The following EPCAM variants were observed in gnomAD, a reference collection of about 807,000 sequenced individuals.
EPCAM encodes epithelial cell adhesion molecule, also known as adenocarcinoma-associated antigen.
A neutral mutation model predicts 40.0 loss-of-function variants in EPCAM; 39 were observed. The ratio of observed to expected loss-of-function variants is 0.98; its 90% CI spans 0.76 to 1.27. The LOEUF (loss-of-function observed/expected upper bound fraction) is 1.27. Ranked by LOEUF, EPCAM falls within the 50% of genes most tolerant of loss-of-function variation. The probability of loss-of-function intolerance (pLI) is 0.00; values close to 1 mark genes in which losing one functional copy is unlikely to be tolerated. For missense variants in EPCAM, 503 were observed against 381.2 expected (o/e 1.32, Z -2.66); for synonymous variants, 168 against 132.3 (o/e 1.27, Z -1.85).
chr2:47,382,698 A>G (rs1671625271), intron 7 of EPCAM, among the ~76,000 whole-genome samples: 1 of 152,186 alleles, frequency 6.6e-6, no homozygotes, highest in Admixed American at 6.5e-5. Context: ...AAAAATGAAT[A>G]AAAACAACAA....
chr2:47,374,080 A>G lies in EPCAM; in HGVS notation c.425+32A>G, dbSNP rs754606216. 4 of 1,612,376 alleles carry G rather than the reference A, an allele frequency of 2.5e-6. No individual in the cohort carries two copies. In the Admixed American group the frequency reaches 6.7e-5, roughly 27 times the overall value. On this transcript the variant is annotated intron_variant, in intron 3 of 8. Coordinates refer to ENST00000263735, the MANE Select transcript of EPCAM (RefSeq NM_002354.3). ...GGGGCTGCCTATACTACTTGTTTTC[A>G]TGCTGTTCAGATTCATTTAATTAAA...
At chr2:47,377,750 A>T (rs998584205) in intron 5 of EPCAM, 4 of 461,292 alleles carry the variant, frequency 8.7e-6, no homozygotes, top group Non-Finnish European at 1.3e-5. Flanking sequence ...TATTTACTTT[A>T]GGATGTTACT....
At chr2:47,382,971 G>A (rs754788816) in intron 7 of EPCAM, among the ~76,000 whole-genome samples, 1 of 151,670 alleles carries the variant, frequency 6.6e-6, no homozygotes, top group African/African-American at 2.4e-5. Flanking sequence ...GTGGAAGAAT[G>A]CACACCAAAC....
chr2:47,383,823 G>A (rs542083655), intron 7 of EPCAM, among the ~76,000 whole-genome samples: 1 of 150,832 alleles, frequency 6.6e-6, no homozygotes, highest in Non-Finnish European at 1.5e-5. Context: ...TTCTAGTAGA[G>A]ATAGGGTTTC....
intron 5 of EPCAM, among the ~76,000 whole-genome samples, chr2:47,378,574 T>C (rs1671489513): frequency 6.6e-6 from 1 of 152,196 alleles, no homozygotes. Context: ...AGTGCTGGGA[T>C]TACAGGCATG....
intron 1 of EPCAM, among the ~76,000 whole-genome samples, chr2:47,370,370 C>T (rs1671225450): frequency 6.6e-6 from 1 of 151,832 alleles, no homozygotes; most frequent in Non-Finnish European, 1.5e-5. Context: ...CTCCCGGGTT[C>T]AAGTGATTCT....
Position 47,374,983 on chromosome 2 carries a change from C to T in EPCAM, c.426-251C>T, listed in dbSNP as rs147966173. ...TTAGTTGAACAGGGCATGACACTGC[C>T]AGCTAAACTTTGACTTAATGTGACT... On this transcript the variant is annotated intron_variant, in intron 3 of 8. Transcript: ENST00000263735. Among the ~76,000 whole-genome samples, 46 of 152,254 alleles carry T rather than the reference C, an allele frequency of 3.0e-4. No individual in the cohort carries two copies. The East Asian group carries it at 8.7e-3, about 29-fold the overall frequency.
At chr2:47,385,827 G>A (rs1236646366) in intron 8 of EPCAM, among the ~76,000 whole-genome samples, 2 of 152,174 alleles carry the variant, frequency 1.3e-5, no homozygotes, top group African/African-American at 4.8e-5. Flanking sequence ...AAGTCTAATG[G>A]AACCAGAAAG....
chr2:47,369,362 C>A lies in EPCAM; in HGVS notation c.-144C>A, dbSNP rs567762201. 9 of 1,200,830 alleles carry A rather than the reference C, an allele frequency of 7.5e-6. No homozygotes were observed. The highest frequency in any genetic ancestry group is 1.9e-5 in the South Asian group (1 of 52,898). The allele number at this position is 1,200,830 out of a possible 1,614,324, so 74.4% of individuals were successfully genotyped here. On this transcript the variant is annotated 5_prime_UTR_variant, in exon 1 of 9. Coordinates refer to ENST00000263735, the MANE Select transcript of EPCAM (RefSeq NM_002354.3). ...AGCACCTTCGACGCGGTCCGGGGAC[C>A]CCCTCGTCGCTGTCCTCCCGACGCG...
chr2:47,376,399 G>C (rs905744844), intron 4 of EPCAM, among the ~76,000 whole-genome samples: 3 of 151,996 alleles, frequency 2.0e-5, no homozygotes, highest in Non-Finnish European at 4.4e-5. Context: ...TGGGATTACA[G>C]GCGTGCGCCA....
chr2:47,373,251 A>G (rs1255372473), intron 1 of EPCAM, among the ~76,000 whole-genome samples: 2 of 148,078 alleles, frequency 1.4e-5, no homozygotes, highest in Non-Finnish European at 3.0e-5. Context: ...ATGCATGCAG[A>G]TTAAACTATG....
In EPCAM at chr2:47,378,990, ATTC is replaced by A. The variant is rs863224840; in HGVS notation, c.598_600del (p.Ser200del). 17 of 1,602,046 alleles carry A rather than the reference ATTC, an allele frequency of 1.1e-5. No individual in the cohort carries two copies. Among genetic ancestry groups the A allele is most frequent in the Admixed American group, 1.7e-5 (1 of 59,990 alleles). On this transcript the variant is annotated inframe_deletion, in exon 6 of 9. Transcript: ENST00000263735. ...GTTATCACTATTGATCTGGTTCAAA[ATTC>A]TTCTCAAAAAACTCAGAATGATGTG...
At chr2:47,379,571 ACTC>A (rs1396513566) in intron 6 of EPCAM, among the ~76,000 whole-genome samples, 195 bp from the exon 7 acceptor site, 1 of 152,012 alleles carries the variant, frequency 6.6e-6, no homozygotes, top group African/African-American at 2.4e-5. Flanking sequence ...TCATTGCACT[ACTC>A]TTTCTACTTT....
chr2:47,378,066 A>G (rs1483447756), intron 5 of EPCAM, among the ~76,000 whole-genome samples: 1 of 151,994 alleles, frequency 6.6e-6, no homozygotes, highest in African/African-American at 2.4e-5. Context: ...CCCTGTCTCT[A>G]CTAAAAACAT....
chr2:47,376,944 A>T (rs1350311571), intron 4 of EPCAM, 70 bp from the exon 5 acceptor site: 1 of 1,039,152 alleles, frequency 9.6e-7, no homozygotes, highest in African/African-American at 1.6e-5. Flanking sequence ...TGTCTGCTTA[A>T]AGAGTAGTGC....
chr2:47,376,993 C>T (rs1181661212), intron 4 of EPCAM, 21 bp from the exon 5 acceptor site: 1 of 1,559,218 alleles, frequency 6.4e-7, no homozygotes, highest in Admixed American at 1.7e-5. Context: ...TTTTTTAATA[C>T]AGATTTTAAA....
Position 47,369,529 on chromosome 2 carries a change from G to T in EPCAM, c.24G>T (p.Ala8=), listed in dbSNP as rs777677935. The change falls in exon 1 of 9, where the codon GCG becomes GCT. Residue 8 remains alanine (A), a synonymous_variant. Transcript: ENST00000263735. ...GCATGGCGCCCCCGCAGGTCCTCGC[G>T]TTCGGGCTTCTGCTTGCCGCGGCGA... is the stretch of plus-strand genomic sequence containing the variant. MAPPQVL[A]FGLLLAAATA... is the part of the protein sequence containing the mutation. 3 of 1,575,690 alleles carry T rather than the reference G, an allele frequency of 1.9e-6. No homozygotes were observed. The highest frequency in any genetic ancestry group is 2.3e-5 in the South Asian group (2 of 85,842).
intron 1 of EPCAM, among the ~76,000 whole-genome samples, chr2:47,370,476 C>T (rs756599563): frequency 4.6e-4 from 70 of 152,014 alleles, no homozygotes; most frequent in Non-Finnish European, 5.7e-4. Context: ...GGGGTTTCTC[C>T]ATGTTGGTCA....
intron 8 of EPCAM, among the ~76,000 whole-genome samples, chr2:47,385,915 C>T (rs144336519): frequency 2.0e-5 from 3 of 152,086 alleles, no homozygotes; most frequent in African/African-American, 7.2e-5. Flanking sequence ...GAAGACTAAC[C>T]CTGAATTGAA....
Sources: allele counts gnomAD v4.1 joint callset (sites outside exome capture counted in the v4.1 genomes callset), GRCh38; gene constraint gnomAD v4.1.1; transcripts MANE v1.5; gene names NCBI Gene and HGNC (gene_info 2026-07-23, HGNC 2026-07-21).